NRXN1: variants seen among roughly 807,000 people sequenced by gnomAD.
NRXN1 encodes neurexin 1.
Under a neutral mutation model 150.9 loss-of-function variants are expected in NRXN1, and 39 were observed. The observed-to-expected ratio is 0.26, with a 90% CI of 0.20 to 0.34. The LOEUF is 0.34. Ranked by LOEUF, NRXN1 falls within the 10% of genes least tolerant of loss-of-function variation. The probability of loss-of-function intolerance (pLI) is 1.00; values close to 1 mark genes in which losing one functional copy is unlikely to be tolerated. For missense variants in NRXN1, 1,815 were observed against 1,949.9 expected (o/e 0.93, Z 1.30); for synonymous variants, 924 against 757.0 (o/e 1.22, Z -3.62).
At chr2:50,631,523 C>T (rs1175249860) in intron 5 of NRXN1, 2 of 152,278 alleles carry the variant, frequency 1.3e-5, no homozygotes, top group African/African-American at 4.8e-5. Context: ...TGATAACAGT[C>T]TCAGGTTCTT....
chr2:50,556,259 G>T (rs1304065195), intron 8 of NRXN1, among the ~76,000 whole-genome samples: 1 of 152,072 alleles, frequency 6.6e-6, no homozygotes, highest in Admixed American at 6.6e-5. Flanking sequence ...TAGCTAGTAA[G>T]TATTCTAACT....
At chr2:50,484,988 T>C (rs1283587850) in intron 15 of NRXN1, among the ~76,000 whole-genome samples, 1 of 152,220 alleles carries the variant, frequency 6.6e-6, no homozygotes, top group Non-Finnish European at 1.5e-5. Context: ...CAAATACAGA[T>C]GGCAGTATTT....
At chr2:49,959,961 T>C (rs1675632591) in intron 21 of NRXN1, among the ~76,000 whole-genome samples, 1 of 152,148 alleles carries the variant, frequency 6.6e-6, no homozygotes, top group African/African-American at 2.4e-5. Context: ...AGAATGCAAA[T>C]GTATTTTTTT....
At chr2:50,177,945 G>C (rs989278867) in intron 18 of NRXN1, among the ~76,000 whole-genome samples, 2 of 151,886 alleles carry the variant, frequency 1.3e-5, no homozygotes, top group Non-Finnish European at 2.9e-5. Context: ...ACAACCTCAA[G>C]AGACATCATT....
rs2077937507 is a variant in NRXN1, at chr2:50,346,057, AG to A, written c.3365-109088del. On this transcript the variant is annotated intron_variant, in intron 17 of 22. Transcript: ENST00000401669. The surrounding 1 kb of genome is among the most constrained non-coding windows in gnomAD (Gnocchi z 5.0). Reference sequence around the variant, plus strand: ...CCAGAGGTCCCCTCCATGCCTGCGAAGGGCTGGCCCGCATTAAAGGGGATGA... The same window carrying A: ...CCAGAGGTCCCCTCCATGCCTGCGAAGGCTGGCCCGCATTAAAGGGGATGA... 6.6e-6 allele frequency among the ~76,000 whole-genome samples: 1 copy of A among 152,214 alleles called. No homozygotes were observed. Among genetic ancestry groups the A allele is most frequent in the African/African-American group, 2.4e-5 (1 of 41,468 alleles).
At chr2:50,138,776 C>T (rs1268126228) in intron 18 of NRXN1, among the ~76,000 whole-genome samples, 1 of 152,198 alleles carries the variant, frequency 6.6e-6, no homozygotes, top group African/African-American at 2.4e-5. Context: ...TTGTTCCATT[C>T]CTCACACTCA....
At chr2:51,022,025 G>A (rs1669688284) in intron 2 of NRXN1, among the ~76,000 whole-genome samples, 1 of 152,060 alleles carries the variant, frequency 6.6e-6, no homozygotes. Flanking sequence ...AACAGAAACA[G>A]AGGCTCGTTG....
rs1214572341 is a variant in NRXN1, at chr2:50,410,617, A to T, written c.3364+54825T>A. ...AATGAATGAACGAAAGTAAACTAAG[A>T]TGAAATTTTAACTGCTGACCTTTGC... On this transcript the variant is annotated intron_variant, in intron 17 of 22. Coordinates refer to ENST00000401669, the MANE Select transcript of NRXN1 (RefSeq NM_001330078.2). Among the ~76,000 whole-genome samples, 3 of 152,236 alleles carry T rather than the reference A, an allele frequency of 2.0e-5. No homozygotes were observed. The East Asian group carries it at 5.8e-4, about 29-fold the overall frequency.
chr2:50,829,102 G>A (rs1671002855), intron 5 of NRXN1, among the ~76,000 whole-genome samples: 1 of 151,678 alleles, frequency 6.6e-6, no homozygotes, highest in South Asian at 2.1e-4. Flanking sequence ...GGTGGCACGT[G>A]CCTGCAATCG....
intron 17 of NRXN1, among the ~76,000 whole-genome samples, chr2:50,374,338 T>A (rs927136603): frequency 1.3e-5 from 2 of 150,396 alleles, no homozygotes; most frequent in African/African-American, 2.4e-5. Context: ...AATAAATAAA[T>A]AAAATTGGGT....
chr2:50,769,175 C>T (rs542874895), intron 5 of NRXN1, among the ~76,000 whole-genome samples: 1 of 152,132 alleles, frequency 6.6e-6, no homozygotes, highest in Admixed American at 6.6e-5. Context: ...GCTCCTTTGT[C>T]CTCCCTACCA....
chr2:49,958,716 G>A (rs1051631926), intron 21 of NRXN1, among the ~76,000 whole-genome samples: 2 of 152,194 alleles, frequency 1.3e-5, no homozygotes, highest in African/African-American at 4.8e-5. Flanking sequence ...TGGAAACACA[G>A]TAGTGATCTC....
At chr2:50,030,931 T>C (rs539106117) in intron 21 of NRXN1, among the ~76,000 whole-genome samples, 1 of 152,208 alleles carries the variant, frequency 6.6e-6, no homozygotes, top group Admixed American at 6.5e-5. Context: ...CCTATGGCAC[T>C]AGAGTTTGTA....
At chr2:50,593,109 G>A (rs1674560301) in intron 8 of NRXN1, among the ~76,000 whole-genome samples, 1 of 152,192 alleles carries the variant, frequency 6.6e-6, no homozygotes, top group Non-Finnish European at 1.5e-5. Context: ...AGAGTCTGTA[G>A]TTTTTGTGAA....
chr2:50,770,431 C>CGTT (rs1014735569), intron 5 of NRXN1, among the ~76,000 whole-genome samples: 1 of 151,734 alleles, frequency 6.6e-6, no homozygotes, highest in Non-Finnish European at 1.5e-5. Flanking sequence ...TAAAAGTTTT[C>CGTT]GTTGTTGTTG....
At chr2:50,487,437 C>A (rs1156482519) in intron 15 of NRXN1, among the ~76,000 whole-genome samples, 1 of 152,190 alleles carries the variant, frequency 6.6e-6, no homozygotes, top group Non-Finnish European at 1.5e-5. Context: ...CGCTGATTGA[C>A]CTAATGTGGT....
intron 5 of NRXN1, among the ~76,000 whole-genome samples, chr2:50,755,905 C>A (rs932359323): frequency 6.6e-6 from 1 of 151,800 alleles, no homozygotes; most frequent in African/African-American, 2.4e-5. Context: ...TAATCTACTG[C>A]ATTTTTATGC....
intron 17 of NRXN1, among the ~76,000 whole-genome samples, chr2:50,247,532 C>CA (rs2066622331): frequency 6.6e-6 from 1 of 151,988 alleles, no homozygotes; most frequent in Non-Finnish European, 1.5e-5. Context: ...CTATTTTTGG[C>CA]AAAAATTCAC....
At chr2:50,270,556 A>T (rs1200110170) in intron 17 of NRXN1, among the ~76,000 whole-genome samples, 1 of 152,174 alleles carries the variant, frequency 6.6e-6, no homozygotes, top group Non-Finnish European at 1.5e-5. Flanking sequence ...TTTCAGAACT[A>T]TCAGAATTTT....
Sources: gnomAD v4.1 joint callset for allele counts (sites outside exome capture counted in the v4.1 genomes callset) on GRCh38, gnomAD v4.1.1 for gene constraint, Gnocchi (gnomAD v3.1) non-coding constraint, MANE v1.5 for transcripts, NCBI Gene and HGNC (gene_info 2026-07-23, HGNC 2026-07-21) for gene names.